Variants in CD79A observed in about 807,000 individuals in gnomAD.
CD79A encodes CD79a molecule.
Under a neutral mutation model 27.4 loss-of-function variants are expected in CD79A, and 16 were observed. The observed-to-expected ratio is 0.58, with a 90% CI of 0.40 to 0.89. CD79A has a LOEUF of 0.89. CD79A is among the 40% of genes least tolerant of loss of function. CD79A has a pLI of 0.00. For missense variants in CD79A, 237 were observed against 299.7 expected (o/e 0.79, Z 1.55); for synonymous variants, 110 against 132.7 (o/e 0.83, Z 1.18).
At position 41,879,892 on chromosome 19, in the gene CD79A, C is replaced by T. The variant is rs1178514216; in HGVS notation, c.498+239C>T. 1.3e-5 allele frequency among the ~76,000 whole-genome samples: 2 copies of T among 152,112 alleles called. No individual in the cohort carries two copies. Among genetic ancestry groups the T allele is most frequent in the African/African-American group, 2.4e-5 (1 of 41,408 alleles). On this transcript the variant is annotated intron_variant, in intron 3 of 4. Coordinates refer to ENST00000221972, the MANE Select transcript of CD79A (RefSeq NM_001783.4). This position sits in a 1 kb window ranked among gnomAD's most constrained non-coding sequence, Gnocchi z 5.1. ...CCCTTCTGGGCTGTCCTCACGTCCA[C>T]CTCCCCCCAAGAAGAGTCTCATTCT... is the stretch of plus-strand genomic sequence containing the variant.
intron 3 of CD79A, 121 bp from the exon 4 acceptor site, chr19:41,880,549 T>G (rs2074217582): frequency 1.4e-6 from 1 of 733,606 alleles, no homozygotes; most frequent in African/African-American, 1.7e-5. Flanking sequence ...ACATAACCAG[T>G]ATGTGGCCTT....
chr19:41,880,690 G>T lies in CD79A; in HGVS notation c.519G>T (p.Lys173Asn), dbSNP rs1394257358. 2.4e-6 allele frequency: 3 copies of T among 1,273,954 alleles called. No individual in the cohort carries two copies. Among genetic ancestry groups the T allele is most frequent in the Admixed American group, 4.7e-5 (2 of 42,660 alleles). The allele number at this position is 1,273,954 out of a possible 1,614,324, so 78.9% of individuals were successfully genotyped here. ...LLFRKRWQNEKLGLDAGDEYE... is the reference protein window; with the variant it reads ...LLFRKRWQNENLGLDAGDEYE... The stretch of plus-strand genomic sequence containing the variant: ...TACAGAAACGATGGCAGAACGAGAA[G>T]CTCGGGTTGGATGCCGGGGATGAAT... The change falls in exon 4 of 5, where the codon AAG becomes AAT. Residue 173 changes from lysine (K) to asparagine (N), a missense_variant. Physicochemically the swap from Lys to Asn is moderately conservative, Grantham distance 94. Coordinates refer to ENST00000221972, the MANE Select transcript of CD79A (RefSeq NM_001783.4).
chr19:41,880,767 G>A (rs1555844104), intron 4 of CD79A, 29 bp downstream of exon 4: 1 of 1,437,750 alleles, frequency 7.0e-7, no homozygotes, highest in Non-Finnish European at 9.6e-7. Context: ...TGGGGTAGGG[G>A]CAGTTGTGTT....
At position 41,879,618 on chromosome 19, in the gene CD79A, TGC is replaced by T. The variant is rs782406026; in HGVS notation, c.467_468del (p.Ala156GlyfsTer25). On this transcript the variant is annotated frameshift_variant, in exon 3 of 5. Coordinates refer to ENST00000221972, the MANE Select transcript of CD79A (RefSeq NM_001783.4). LOFTEE classifies it high-confidence loss of function. The surrounding 1 kb of genome is among the most constrained non-coding windows in gnomAD (Gnocchi z 5.1). ...AGCCGAGGGGATCATCCTCCTGTTC[TGC>T]GCGGTGGTGCCTGGGACGCTGCTGC... is the stretch of plus-strand genomic sequence containing the variant. ...ITAEGIILLFCAVVPGTLLLF... is the reference protein window; with the variant it reads ...ITAEGIILLFXAVVPGTLLLF... 6.2e-7 allele frequency: 1 copy of T among 1,611,792 alleles called. No individual in the cohort carries two copies. The highest frequency in any genetic ancestry group is 1.1e-5 in the South Asian group (1 of 90,648).
rs782550836 is a variant in CD79A, at chr19:41,878,970, C to G, written c.80-20C>G. The G allele has an allele frequency of 1.7e-6, 2 of 1,197,828 alleles. No individual in the cohort carries two copies. Among genetic ancestry groups the G allele is most frequent in the Admixed American group, 1.7e-5 (1 of 57,524 alleles). The allele number at this position is 1,197,828 out of a possible 1,614,324, so 74.2% of individuals were successfully genotyped here. A position where few individuals can be genotyped will look rare whatever the true frequency, so the allele number is the denominator to read the frequency against. On this transcript the variant is annotated intron_variant, in intron 1 of 4. Coordinates refer to ENST00000221972, the MANE Select transcript of CD79A (RefSeq NM_001783.4). The surrounding 1 kb of genome is among the most constrained non-coding windows in gnomAD (Gnocchi z 4.3). ...GTCACCATCCCCAGTCCCTGACCCA[C>G]CCACCCTGTCTCTCCACAGGCCCTG...
Position 41,878,801 on chromosome 19 carries a change from G to A in CD79A, c.80-189G>A, listed in dbSNP as rs2074203173. On this transcript the variant is annotated intron_variant, in intron 1 of 4. Transcript: ENST00000221972. This position sits in a 1 kb window ranked among gnomAD's most constrained non-coding sequence, Gnocchi z 4.3. ...AGGTATGTCCTCTCTCCTTCCCAGG[G>A]GCTTCTTCACTTTCCCGCATCCCCC... is the stretch of plus-strand genomic sequence containing the variant. 6.6e-6 allele frequency among the ~76,000 whole-genome samples: 1 copy of A among 151,912 alleles called. No individual in the cohort carries two copies. The highest frequency in any genetic ancestry group is 1.5e-5 in the Non-Finnish European group (1 of 67,938).
At position 41,878,899 on chromosome 19, in the gene CD79A, C is replaced by T; in HGVS notation, c.80-91C>T. 1 of 1,067,788 alleles carries T rather than the reference C, an allele frequency of 9.4e-7. No individual in the cohort carries two copies. The highest frequency in any genetic ancestry group is 1.4e-6 in the Non-Finnish European group (1 of 718,388). The allele number at this position is 1,067,788 out of a possible 1,614,324, so 66.1% of individuals were successfully genotyped here. On this transcript the variant is annotated intron_variant, in intron 1 of 4. Coordinates refer to ENST00000221972, the MANE Select transcript of CD79A (RefSeq NM_001783.4). This position sits in a 1 kb window ranked among gnomAD's most constrained non-coding sequence, Gnocchi z 4.3. ...CCCCACCCAGGAGAGTCCTCACCCT[C>T]TTCCCAGGAGTGCTGGAACTGCAGG... is the stretch of plus-strand genomic sequence containing the variant.
rs2074195429 is a variant in CD79A at position 41,877,453 on chromosome 19, C to G, written c.79+70C>G. ...GTGGAGGCTGCAGAGAGGGCACAGG[C>G]AGAGGGAAGGGGGCTCAGGGAAAGG... On this transcript the variant is annotated intron_variant, in intron 1 of 4. Transcript: ENST00000221972. The surrounding 1 kb of genome is among the most constrained non-coding windows in gnomAD (Gnocchi z 4.1). 1 of 1,271,090 alleles carries G rather than the reference C, an allele frequency of 7.9e-7. No homozygotes were observed. The highest frequency in any genetic ancestry group is 1.2e-6 in the Non-Finnish European group (1 of 868,042). The allele number at this position is 1,271,090 out of a possible 1,614,324, so 78.7% of individuals were successfully genotyped here. A position where few individuals can be genotyped will look rare whatever the true frequency, so the allele number is the denominator to read the frequency against.
In CD79A at chr19:41,879,468, G is replaced by A. The variant is rs1555843663; in HGVS notation, c.380-67G>A. Reference sequence around the variant, plus strand: ...GGGGGTCTGGGGCCTTGCAGGAGGTGGGCGGGGCCAGGAGGCTAGGGAGGG... The same window carrying A: ...GGGGGTCTGGGGCCTTGCAGGAGGTAGGCGGGGCCAGGAGGCTAGGGAGGG... On this transcript the variant is annotated intron_variant, in intron 2 of 4. Coordinates refer to ENST00000221972, the MANE Select transcript of CD79A (RefSeq NM_001783.4). This position sits in a 1 kb window ranked among gnomAD's most constrained non-coding sequence, Gnocchi z 5.1. The A allele has an allele frequency of 6.9e-6, 9 of 1,303,850 alleles. No individual in the cohort carries two copies. In the South Asian group the frequency reaches 1.1e-4, roughly 16 times the overall value. 80.8% of individuals were successfully genotyped at this position (1,303,850 alleles called of 1,614,324 possible). A position where few individuals can be genotyped will look rare whatever the true frequency, so the allele number is the denominator to read the frequency against.
In CD79A at chr19:41,880,696, G is replaced by T; in HGVS notation, c.525G>T (p.Gly175=). The T allele has an allele frequency of 5.2e-6, 8 of 1,542,446 alleles. No individual in the cohort carries two copies. Among genetic ancestry groups the T allele is most frequent in the Non-Finnish European group, 7.0e-6 (8 of 1,142,196 alleles). ...AACGATGGCAGAACGAGAAGCTCGG[G>T]TTGGATGCCGGGGATGAATATGAAG... ...FRKRWQNEKL[G]LDAGDEYEDE... is the part of the protein sequence containing the mutation. The change falls in exon 4 of 5, where the codon GGG becomes GGT. Residue 175 remains glycine (G), a synonymous_variant. Coordinates refer to ENST00000221972, the MANE Select transcript of CD79A (RefSeq NM_001783.4).
chr19:41,880,305 C>T (rs964247955), intron 3 of CD79A, among the ~76,000 whole-genome samples: 5 of 151,592 alleles, frequency 3.3e-5, no homozygotes, highest in African/African-American at 4.9e-5. Context: ...TGCTTGAGCC[C>T]AGGAGTTCAA....
chr19:41,878,296 G>C lies in CD79A; in HGVS notation c.80-694G>C, dbSNP rs537160805. On this transcript the variant is annotated intron_variant, in intron 1 of 4. Transcript: ENST00000221972. This position sits in a 1 kb window ranked among gnomAD's most constrained non-coding sequence, Gnocchi z 4.3. Reference sequence around the variant, plus strand: ...GGCACAGGGTCACAGGCCAGGGCAGGCCACAGACTGGCTCCTCAGCCCAGG... The same window carrying C: ...GGCACAGGGTCACAGGCCAGGGCAGCCCACAGACTGGCTCCTCAGCCCAGG... Among the ~76,000 whole-genome samples, 2 of 152,316 alleles carry C rather than the reference G, an allele frequency of 1.3e-5. No individual in the cohort carries two copies. Among genetic ancestry groups the C allele is most frequent in the South Asian group, 4.1e-4 (2 of 4,832 alleles).
chr19:41,880,451 G>GGGAAGGGA (rs1183622232), intron 3 of CD79A, among the ~76,000 whole-genome samples: 2 of 102,516 alleles, frequency 2.0e-5, no homozygotes, highest in East Asian at 3.0e-4. Context: ...AGGAAGGGAA[G>GGGAAGGGA]GGAAGGAAGG....
Position 41,881,212 on chromosome 19 carries a change from C to T in CD79A, c.*232C>T, listed in dbSNP as rs1004496801. ...AACTGCCCCACCTCCTAACCTAATC[C>T]CCCCGCCCCGCTGCCTTTCCCAGGC... On this transcript the variant is annotated 3_prime_UTR_variant, in exon 5 of 5. Coordinates refer to ENST00000221972, the MANE Select transcript of CD79A (RefSeq NM_001783.4). 2.0e-5 allele frequency: 12 copies of T among 591,914 alleles called. No individual in the cohort carries two copies. Among genetic ancestry groups the T allele is most frequent in the Non-Finnish European group, 3.6e-5 (12 of 329,090 alleles). The allele number at this position is 591,914 out of a possible 1,614,324, so 36.7% of individuals were successfully genotyped here.
In CD79A at chr19:41,880,992, C is replaced by T; in HGVS notation, c.*12C>T. 1 of 1,474,962 alleles carries T rather than the reference C, an allele frequency of 6.8e-7. No individual in the cohort carries two copies. The highest frequency in any genetic ancestry group is 1.2e-5 in the South Asian group (1 of 83,190). The allele number at this position is 1,474,962 out of a possible 1,614,324, so 91.4% of individuals were successfully genotyped here. On this transcript the variant is annotated 3_prime_UTR_variant, in exon 5 of 5. Transcript: ENST00000221972. ...TGGAGAAGCCGTGACACCCCTACTC[C>T]TGCCAGGCTGCCCCCGCCTGCTGTG...
At position 41,879,246 on chromosome 19, in the gene CD79A, C is replaced by T. The variant is rs1600631316; in HGVS notation, c.336C>T (p.Asn112=). 1.9e-5 allele frequency: 31 copies of T among 1,613,390 alleles called. No homozygotes were observed. Among genetic ancestry groups the T allele is most frequent in the Non-Finnish European group, 2.1e-5 (25 of 1,180,006 alleles). The change falls in exon 2 of 5, where the codon AAC becomes AAT. Residue 112 remains asparagine, a synonymous_variant. Coordinates refer to ENST00000221972, the MANE Select transcript of CD79A (RefSeq NM_001783.4). The surrounding 1 kb of genome is among the most constrained non-coding windows in gnomAD (Gnocchi z 5.1). Reference sequence around the variant, plus strand: ...ACGTGTGCCGGGTCCAGGAGGGCAACGAGTCATACCAGCAGTCCTGCGGCA... The same window carrying T: ...ACGTGTGCCGGGTCCAGGAGGGCAATGAGTCATACCAGCAGTCCTGCGGCA... ...GIYVCRVQEG[N]ESYQQSCGTY...
At position 41,877,435 on chromosome 19, in the gene CD79A, C is replaced by T. The variant is rs2074195323; in HGVS notation, c.79+52C>T. The T allele has an allele frequency of 6.8e-7, 1 of 1,465,794 alleles. No homozygotes were observed. Among genetic ancestry groups the T allele is most frequent in the Admixed American group, 1.7e-5 (1 of 59,768 alleles). 90.8% of individuals were successfully genotyped at this position (1,465,794 alleles called of 1,614,324 possible). A position where few individuals can be genotyped will look rare whatever the true frequency, so the allele number is the denominator to read the frequency against. On this transcript the variant is annotated intron_variant, in intron 1 of 4. Coordinates refer to ENST00000221972, the MANE Select transcript of CD79A (RefSeq NM_001783.4). The surrounding 1 kb of genome is among the most constrained non-coding windows in gnomAD (Gnocchi z 4.1). Reference sequence around the variant, plus strand: ...CGGGAGGTGGGGGAAGCTGTGGAGGCTGCAGAGAGGGCACAGGCAGAGGGA... The same window carrying T: ...CGGGAGGTGGGGGAAGCTGTGGAGGTTGCAGAGAGGGCACAGGCAGAGGGA...
In CD79A at chr19:41,879,844, G is replaced by C. The variant is rs887109976; in HGVS notation, c.498+191G>C. On this transcript the variant is annotated intron_variant, in intron 3 of 4. Transcript: ENST00000221972. This position sits in a 1 kb window ranked among gnomAD's most constrained non-coding sequence, Gnocchi z 5.1. ...GGGACTTGAACTGGCGCTGAGCCCA[G>C]GGGGTGTCTTCAATTTAGTTTCCCC... Among the ~76,000 whole-genome samples, 1 of 152,158 alleles carries C rather than the reference G, an allele frequency of 6.6e-6. No homozygotes were observed. The highest frequency in any genetic ancestry group is 1.5e-5 in the Non-Finnish European group (1 of 68,022).
Position 41,877,439 on chromosome 19 carries a change from A to G in CD79A, c.79+56A>G. 7.0e-7 allele frequency: 1 copy of G among 1,422,214 alleles called. No homozygotes were observed. Among genetic ancestry groups the G allele is most frequent in the South Asian group, 1.1e-5 (1 of 87,272 alleles). 88.1% of individuals were successfully genotyped at this position (1,422,214 alleles called of 1,614,324 possible). Reference sequence around the variant, plus strand: ...AGGTGGGGGAAGCTGTGGAGGCTGCAGAGAGGGCACAGGCAGAGGGAAGGG... The same window carrying G: ...AGGTGGGGGAAGCTGTGGAGGCTGCGGAGAGGGCACAGGCAGAGGGAAGGG... On this transcript the variant is annotated intron_variant, in intron 1 of 4. Coordinates refer to ENST00000221972, the MANE Select transcript of CD79A (RefSeq NM_001783.4). The surrounding 1 kb of genome is among the most constrained non-coding windows in gnomAD (Gnocchi z 4.1).
Sources: allele counts gnomAD v4.1 joint callset (sites outside exome capture counted in the v4.1 genomes callset), GRCh38; gene constraint gnomAD v4.1.1; non-coding constraint Gnocchi (gnomAD v3.1); transcripts MANE v1.5; gene names NCBI Gene and HGNC (gene_info 2026-07-23, HGNC 2026-07-21).